The following DOCK2 variants were observed in gnomAD, a reference collection of about 807,000 sequenced individuals.
DOCK2 encodes the protein dedicator of cytokinesis 2.
Under a neutral mutation model 248.9 loss-of-function variants are expected in DOCK2, and 87 were observed. That is an observed-to-expected ratio of 0.35 (90% CI 0.29 to 0.42). The LOEUF (loss-of-function observed/expected upper bound fraction) is 0.42, where lower values mean the gene tolerates loss of function less well. Ranked by LOEUF, DOCK2 falls within the 10% of genes least tolerant of loss-of-function variation. The pLI is 1.00. For synonymous variants in DOCK2, 805 were observed against 821.6 expected, an observed-to-expected ratio of 0.98 and a Z score of 0.35; for missense variants, 1,747 against 2,300.2, an observed-to-expected ratio of 0.76 and a Z score of 4.92.
At position 169,671,250 on chromosome 5, in the gene DOCK2, A is replaced by G. The variant is rs113937874; in HGVS notation, c.321+76A>G. 490 of 1,411,984 alleles carry G rather than the reference A, an allele frequency of 3.5e-4. 3 individuals carry two copies. In the African/African-American group the frequency reaches 5.9e-3, roughly 17 times the overall value. 87.5% of individuals were successfully genotyped at this position (1,411,984 alleles called of 1,614,324 possible). A position where few individuals can be genotyped will look rare whatever the true frequency, so the allele number is the denominator to read the frequency against. On this transcript the variant is annotated intron_variant, in intron 5 of 51. Coordinates refer to ENST00000520908, the MANE Select transcript of DOCK2 (RefSeq NM_004946.3). ...GTTTGGTTCCAGTTTTCATTTTAGC[A>G]TTGAGTCAGGCAGGTGGAGGTGGCT...
chr5:170,005,653 G>A (rs1008543331), intron 30 of DOCK2, among the ~76,000 whole-genome samples: 1 of 151,976 alleles, frequency 6.6e-6, no homozygotes, highest in African/African-American at 2.4e-5. Flanking sequence ...ATTAGACAAT[G>A]GTAATGGTTG....
At chr5:170,079,479 T>C (rs1421932542) in intron 49 of DOCK2, 14 of 296,760 alleles carry the variant, frequency 4.7e-5, no homozygotes. Flanking sequence ...GCCCACTTGG[T>C]ACTGAGCTAG....
intron 33 of DOCK2, 141 bp from the exon 34 acceptor site, chr5:170,027,722 C>T: frequency 1.4e-6 from 1 of 706,748 alleles, no homozygotes; most frequent in Middle Eastern, 2.9e-4. Context: ...GTATTCTGTT[C>T]CATTTTGCAT....
chr5:169,983,877 C>G (rs1390757226), intron 28 of DOCK2, among the ~76,000 whole-genome samples: 1 of 152,154 alleles, frequency 6.6e-6, no homozygotes, highest in Admixed American at 6.5e-5. Flanking sequence ...AAAACTAATG[C>G]CCTACCCTTT....
At chr5:169,708,321 C>G (rs1318518484) in intron 15 of DOCK2, 54 bp downstream of exon 15, 1 of 1,536,284 alleles carries the variant, frequency 6.5e-7, no homozygotes, top group African/African-American at 1.4e-5. Context: ...ATGAACCAGG[C>G]ACTGTTTTAA....
intron 33 of DOCK2, among the ~76,000 whole-genome samples, chr5:170,020,193 C>T (rs1755673179): frequency 6.6e-6 from 1 of 152,200 alleles, no homozygotes; most frequent in Non-Finnish European, 1.5e-5. Flanking sequence ...CCCCGCAGCC[C>T]ACCTGAATGG....
intron 1 of DOCK2, among the ~76,000 whole-genome samples, chr5:169,647,927 C>T (rs753673654): frequency 2.0e-5 from 3 of 152,296 alleles, no homozygotes; most frequent in Middle Eastern, 3.4e-3. Context: ...GGAGCCACCC[C>T]CTTTCACCCC....
At chr5:169,873,328 A>C (rs1187281869) in intron 27 of DOCK2, among the ~76,000 whole-genome samples, 2 of 152,192 alleles carry the variant, frequency 1.3e-5, no homozygotes. Flanking sequence ...ATGTACCCCA[A>C]ACTTCATAGC....
chr5:169,874,135 G>A lies in DOCK2; in HGVS notation c.2799+33283G>A, dbSNP rs183831136. 2.9e-3 allele frequency among the ~76,000 whole-genome samples: 436 copies of A among 152,280 alleles called. 4 individuals carry two copies. The highest frequency in any genetic ancestry group is 0.01 in the African/African-American group (421 of 41,538). On this transcript the variant is annotated intron_variant, in intron 27 of 51. Transcript: ENST00000520908. ...TAATGATTAAAATAAAAAAGCGGCC[G>A]GGTGTGGTGGCTCATGCCTGTAATC... is the stretch of plus-strand genomic sequence containing the variant.
chr5:169,663,167 A>G (rs986364535), intron 2 of DOCK2, among the ~76,000 whole-genome samples: 2 of 152,248 alleles, frequency 1.3e-5, no homozygotes, highest in Non-Finnish European at 2.9e-5. Context: ...ATTGAATCAT[A>G]AAGCTCTAAA....
At chr5:170,022,888 T>C (rs1755777909) in intron 33 of DOCK2, among the ~76,000 whole-genome samples, 1 of 152,098 alleles carries the variant, frequency 6.6e-6, no homozygotes, top group African/African-American at 2.4e-5. Flanking sequence ...TAGACCCCCA[T>C]CCCATGTCAT....
chr5:170,042,669 C>T (rs1224169210), intron 38 of DOCK2, among the ~76,000 whole-genome samples: 2 of 152,306 alleles, frequency 1.3e-5, no homozygotes, highest in South Asian at 2.1e-4. Flanking sequence ...CCCACTGGAA[C>T]GCTGGGCTCC....
intron 30 of DOCK2, among the ~76,000 whole-genome samples, chr5:170,007,931 G>T (rs932572535): frequency 2.6e-5 from 4 of 152,166 alleles, no homozygotes; most frequent in African/African-American, 9.7e-5. Flanking sequence ...AAGTTCCCAG[G>T]TGCTGCTGCT....
intron 22 of DOCK2, among the ~76,000 whole-genome samples, chr5:169,738,372 G>A (rs1235079403): frequency 2.6e-5 from 4 of 152,190 alleles, no homozygotes; most frequent in African/African-American, 9.6e-5. Context: ...GGAAATGGAG[G>A]CTTGGTCCTC....
intron 27 of DOCK2, chr5:169,980,773 G>T (rs1777913520): frequency 6.6e-6 from 1 of 152,148 alleles, no homozygotes; most frequent in Non-Finnish European, 1.5e-5. Flanking sequence ...GTTTGAAAGG[G>T]ATAATTTCAC....
At chr5:169,874,811 AATCTCCCAAGT>A (rs1340064397) in intron 27 of DOCK2, among the ~76,000 whole-genome samples, 1 of 152,074 alleles carries the variant, frequency 6.6e-6, no homozygotes, top group Non-Finnish European at 1.5e-5. Flanking sequence ...GTTACAGCTG[AATCTCCCAAGT>A]ATTGCATAAT....
At chr5:169,642,344 C>T (rs1222806291) in intron 1 of DOCK2, among the ~76,000 whole-genome samples, 2 of 152,076 alleles carry the variant, frequency 1.3e-5, no homozygotes, top group East Asian at 3.8e-4. Context: ...AGCCTGTAGT[C>T]TAATAGGGAA....
In DOCK2 at chr5:170,069,197, C is replaced by T; in HGVS notation, c.4705C>T (p.Leu1569Phe). 1.9e-6 allele frequency: 3 copies of T among 1,614,048 alleles called. No homozygotes were observed. Among genetic ancestry groups the T allele is most frequent in the Non-Finnish European group, 2.5e-6 (3 of 1,179,944 alleles). ...HPEDQDKLTH[L>F]KDLIAWQIPF... ...TGAGGACCAGGACAAGCTGACCCAC[C>T]TCAAGGACCTGATTGCATGGCAGGT... The change falls in exon 46 of 52, where the codon CTC becomes TTC. Residue 1569 changes from leucine to phenylalanine, a missense_variant. Leu to Phe is a conservative substitution (Grantham distance 22). Transcript: ENST00000520908.
rs1220187665 is a variant in DOCK2 at position 169,637,846 on chromosome 5, G to C, written c.43+477G>C. On this transcript the variant is annotated intron_variant, in intron 1 of 51. Transcript: ENST00000520908. ...TCCTGGGTCAGATGACTCCTGATTT[G>C]GCAGGGCATCCAGAGGGCAGCTCAA... is the stretch of plus-strand genomic sequence containing the variant. Among the ~76,000 whole-genome samples the C allele has an allele frequency of 2.0e-5, 3 of 152,180 alleles. No homozygotes were observed. In the South Asian group the frequency reaches 6.2e-4, roughly 31 times the overall value.
Sources: allele counts gnomAD v4.1 joint callset (sites outside exome capture counted in the v4.1 genomes callset), GRCh38; gene constraint gnomAD v4.1.1; transcripts MANE v1.5; gene names NCBI Gene and HGNC (gene_info 2026-07-23, HGNC 2026-07-21).